The following RALGAPA2 variants were observed in gnomAD, a reference collection of about 807,000 sequenced individuals.
RALGAPA2 encodes the protein Ral GTPase activating protein catalytic subunit alpha 2, also known as ral GTPase-activating protein subunit alpha-2.
Under a neutral mutation model 230.4 loss-of-function variants are expected in RALGAPA2, and 139 were observed. The observed-to-expected ratio is 0.60, with a 90% confidence interval of 0.53 to 0.69. RALGAPA2 has a LOEUF of 0.69. Among genes scored for constraint, RALGAPA2 ranks in the 30% least tolerant of loss-of-function variants. The pLI, the probability that RALGAPA2 is intolerant of heterozygous loss-of-function variation, is 0.00. For synonymous variants in RALGAPA2, 847 were observed against 837.8 expected (o/e 1.01, Z -0.19); for missense variants, 2,163 against 2,276.0 (o/e 0.95, Z 1.01).
At chr20:20,403,083 G>A (rs1007142341) in intron 38 of RALGAPA2, among the ~76,000 whole-genome samples, 1 of 151,962 alleles carries the variant, frequency 6.6e-6, no homozygotes, top group African/African-American at 2.4e-5. Context: ...ATTTTAAAGT[G>A]CGCCCCCACC....
At chr20:20,453,452 G>A (rs6106251) in intron 37 of RALGAPA2, among the ~76,000 whole-genome samples, 4,676 of 152,238 alleles carry the variant, frequency 0.031, 256 homozygotes, top group African/African-American at 0.11. Flanking sequence ...TGATTACTGC[G>A]GGGGGTGGGT....
At chr20:20,561,948 T>G (rs1001764228) in intron 23 of RALGAPA2, among the ~76,000 whole-genome samples, 15 of 152,184 alleles carry the variant, frequency 9.9e-5, no homozygotes, top group African/African-American at 3.6e-4. Context: ...ACCAAAAGTG[T>G]GTCCAGACAT....
intron 38 of RALGAPA2, among the ~76,000 whole-genome samples, chr20:20,402,229 A>G (rs771342916): frequency 3.3e-5 from 5 of 151,926 alleles, no homozygotes; most frequent in Non-Finnish European, 5.9e-5. Flanking sequence ...GGGAGGGGGG[A>G]CTCTGGGGAA....
chr20:20,637,271 T>C, intron 8 of RALGAPA2, 92 bp downstream of exon 8: 1 of 1,035,946 alleles, frequency 9.7e-7, no homozygotes, highest in South Asian at 2.4e-5. Flanking sequence ...ATAAAATGAC[T>C]ATTTTACTTT....
intron 1 of RALGAPA2, among the ~76,000 whole-genome samples, chr20:20,702,444 T>C (rs2069420558): frequency 6.6e-6 from 1 of 151,876 alleles, no homozygotes; most frequent in South Asian, 2.1e-4. Context: ...TGAAGGAAGG[T>C]TGAGTAGGAA....
At chr20:20,609,256 C>A (rs2065909059) in intron 14 of RALGAPA2, among the ~76,000 whole-genome samples, 2 of 152,164 alleles carry the variant, frequency 1.3e-5, no homozygotes, top group Admixed American at 1.3e-4. Flanking sequence ...GCCTCAGCCT[C>A]CCAAAGTGCT....
At chr20:20,668,297 G>A (rs2068023989) in intron 3 of RALGAPA2, among the ~76,000 whole-genome samples, 1 of 152,136 alleles carries the variant, frequency 6.6e-6, no homozygotes, top group Non-Finnish European at 1.5e-5. Flanking sequence ...CAGCTACTTG[G>A]GAGGCTGAGG....
chr20:20,639,427 T>C (rs2066958887), intron 7 of RALGAPA2, among the ~76,000 whole-genome samples: 2 of 152,170 alleles, frequency 1.3e-5, no homozygotes, highest in Non-Finnish European at 2.9e-5. Context: ...CATGAGGAGA[T>C]TGCTCCATGT....
intron 15 of RALGAPA2, among the ~76,000 whole-genome samples, chr20:20,602,842 GTGTA>G (rs1568635538): frequency 6.7e-6 from 1 of 150,232 alleles, no homozygotes; most frequent in South Asian, 2.1e-4. Context: ...GTGTGTGTGT[GTGTA>G]GTGTATGCAC....
chr20:20,505,525 T>G lies in RALGAPA2; in HGVS notation c.4938A>C (p.Thr1646=). 1 of 1,589,380 alleles carries G rather than the reference T, an allele frequency of 6.3e-7. No individual in the cohort carries two copies. ...KNLDSRQCRE[T]HKIAVFYIAE... is the part of the protein sequence containing the mutation. ...CAATGTAAAACACTGCGATTTTGTG[T>G]GTCTCACGGCTATAAATTTTTAAAT... The change falls in exon 34 of 40, where the codon ACA becomes ACC. Residue 1646 remains threonine (T), a synonymous_variant. Coordinates refer to ENST00000202677, the MANE Select transcript of RALGAPA2 (RefSeq NM_020343.4).
intron 4 of RALGAPA2, among the ~76,000 whole-genome samples, chr20:20,648,853 G>A (rs2067302464): frequency 6.6e-6 from 1 of 152,136 alleles, no homozygotes; most frequent in African/African-American, 2.4e-5. Context: ...ATTGGCATGG[G>A]AGAAAAGAAA....
chr20:20,514,568 A>T (rs1257472588), intron 31 of RALGAPA2, among the ~76,000 whole-genome samples: 1 of 152,112 alleles, frequency 6.6e-6, no homozygotes, highest in Non-Finnish European at 1.5e-5. Context: ...TCCTGTAGAG[A>T]TTATGGTACA....
intron 27 of RALGAPA2, among the ~76,000 whole-genome samples, chr20:20,530,137 T>C (rs536683440): frequency 1.1e-3 from 161 of 152,274 alleles, no homozygotes; most frequent in Middle Eastern, 6.8e-3. Context: ...ACTCCACACA[T>C]GTGGCCAGAG....
chr20:20,467,572 T>C (rs1482544445), intron 37 of RALGAPA2, among the ~76,000 whole-genome samples: 1 of 152,094 alleles, frequency 6.6e-6, no homozygotes, highest in East Asian at 1.9e-4. Context: ...CATTGATTGA[T>C]TGATTGATTG....
intron 37 of RALGAPA2, among the ~76,000 whole-genome samples, chr20:20,469,317 A>T (rs1362650305): frequency 1.3e-5 from 2 of 152,266 alleles, no homozygotes; most frequent in East Asian, 3.8e-4. Context: ...CAAGGTTGTT[A>T]TAGCTTTAGG....
chr20:20,563,779 A>C (rs1444051706), intron 23 of RALGAPA2, among the ~76,000 whole-genome samples: 1 of 152,068 alleles, frequency 6.6e-6, no homozygotes, highest in Admixed American at 6.6e-5. Flanking sequence ...ATGCTTACCA[A>C]TCAGTACTAC....
At chr20:20,583,285 A>C (rs2065041162) in intron 19 of RALGAPA2, 59 bp from the exon 20 acceptor site, 2 of 1,479,564 alleles carry the variant, frequency 1.4e-6, no homozygotes, top group Non-Finnish European at 1.8e-6. Context: ...CAGAATGTTC[A>C]CAATTACTGA....
chr20:20,487,287 T>C (rs2061936208), intron 36 of RALGAPA2, among the ~76,000 whole-genome samples: 1 of 152,250 alleles, frequency 6.6e-6, no homozygotes, highest in Non-Finnish European at 1.5e-5. Flanking sequence ...ATGACCTTGC[T>C]GTTATCACCC....
intron 16 of RALGAPA2, among the ~76,000 whole-genome samples, chr20:20,597,301 T>C (rs960778003): frequency 2.0e-5 from 3 of 152,178 alleles, no homozygotes; most frequent in Non-Finnish European, 2.9e-5. Context: ...AACCAAATAA[T>C]TGGGCAGTTA....
Sources: allele counts gnomAD v4.1 joint callset (sites outside exome capture counted in the v4.1 genomes callset), GRCh38; gene constraint gnomAD v4.1.1; transcripts MANE v1.5; gene names NCBI Gene and HGNC (gene_info 2026-07-23, HGNC 2026-07-21).